Variants in TDRD5 observed in about 807,000 individuals in gnomAD.
TDRD5 encodes the protein tudor domain containing 5.
A neutral mutation model predicts 120.6 loss-of-function variants in TDRD5; 41 were observed. The ratio of observed to expected loss-of-function variants is 0.34; its 90% CI spans 0.26 to 0.44. The LOEUF (loss-of-function observed/expected upper bound fraction) is 0.44, where lower values mean the gene tolerates loss of function less well. TDRD5 is among the 20% of genes least tolerant of loss of function. The pLI, the probability that TDRD5 is intolerant of heterozygous loss-of-function variation, is 1.00. For missense variants in TDRD5, 1,006 were observed against 1,221.2 expected (o/e 0.82, Z 2.63); for synonymous variants, 430 against 433.7 (o/e 0.99, Z 0.11).
At chr1:179,633,935 G>A (rs1357485431) in intron 7 of TDRD5, among the ~76,000 whole-genome samples, 6 of 151,858 alleles carry the variant, frequency 4.0e-5, no homozygotes, top group Middle Eastern at 3.4e-3. Flanking sequence ...ACTTTGGGAG[G>A]CCGAGGCGGG....
At chr1:179,684,841 G>A (rs190121687) in intron 17 of TDRD5, among the ~76,000 whole-genome samples, 20 of 152,322 alleles carry the variant, frequency 1.3e-4, no homozygotes, top group African/African-American at 4.6e-4. Flanking sequence ...CTGCATAGAT[G>A]TCTTCTTTTG....
At chr1:179,596,592 C>T (rs763031845) in intron 4 of TDRD5, among the ~76,000 whole-genome samples, 46 of 152,168 alleles carry the variant, frequency 3.0e-4, no homozygotes, top group Non-Finnish European at 1.5e-4. Flanking sequence ...TTGTGTTTGG[C>T]TTCTTTAACT....
At chr1:179,607,544 A>G (rs550154481) in intron 4 of TDRD5, among the ~76,000 whole-genome samples, 3 of 151,860 alleles carry the variant, frequency 2.0e-5, no homozygotes, top group Admixed American at 6.6e-5. Flanking sequence ...TTTATTATCT[A>G]TATTTTTCTG....
chr1:179,665,985 G>A (rs560477434), intron 16 of TDRD5, among the ~76,000 whole-genome samples: 5 of 152,140 alleles, frequency 3.3e-5, no homozygotes, highest in East Asian at 1.9e-4. Flanking sequence ...TGTACCTTCC[G>A]TCTAAACAAA....
At position 179,669,352 on chromosome 1, in the gene TDRD5, A is replaced by G; in HGVS notation, c.2808A>G (p.Ala936=). 6.2e-7 allele frequency: 1 copy of G among 1,614,096 alleles called. No individual in the cohort carries two copies. The highest frequency in any genetic ancestry group is 8.5e-7 in the Non-Finnish European group (1 of 1,180,030). ...QPKQIQLSTA[A]PCSTTAVDDS... Reference sequence around the variant, plus strand: ...AGCAAATTCAGCTTTCCACAGCAGCACCCTGTTCAACAACTGCAGTGGATG... The same window carrying G: ...AGCAAATTCAGCTTTCCACAGCAGCGCCCTGTTCAACAACTGCAGTGGATG... The change falls in exon 17 of 18, where the codon GCA becomes GCG. Residue 936 remains alanine (A), a synonymous_variant. Coordinates refer to ENST00000444136, the MANE Select transcript of TDRD5 (RefSeq NM_001199085.3).
At chr1:179,645,662 A>G (rs1473521474) in intron 11 of TDRD5, among the ~76,000 whole-genome samples, 3 of 152,172 alleles carry the variant, frequency 2.0e-5, no homozygotes, top group Non-Finnish European at 4.4e-5. Context: ...TTCTGTAATT[A>G]TTGAAAGAAG....
intron 14 of TDRD5, among the ~76,000 whole-genome samples, chr1:179,660,014 A>G (rs945150487): frequency 2.0e-5 from 3 of 151,828 alleles, no homozygotes; most frequent in African/African-American, 7.3e-5. Flanking sequence ...TTATTTTTTA[A>G]TCCACTCTGA....
intron 9 of TDRD5, among the ~76,000 whole-genome samples, chr1:179,637,395 A>G (rs1677818783): frequency 6.6e-6 from 1 of 152,192 alleles, no homozygotes; most frequent in South Asian, 2.1e-4. Context: ...CCTACTTCAC[A>G]GAGTTCTAAA....
intron 4 of TDRD5, among the ~76,000 whole-genome samples, chr1:179,617,112 C>T (rs1045480273): frequency 2.6e-5 from 4 of 152,044 alleles, no homozygotes; most frequent in Non-Finnish European, 5.9e-5. Context: ...TTAAAGCTAA[C>T]GATATAATCA....
chr1:179,639,466 G>A (rs543531164), intron 9 of TDRD5, among the ~76,000 whole-genome samples: 1 of 152,308 alleles, frequency 6.6e-6, no homozygotes, highest in South Asian at 2.1e-4. Context: ...ATAGGGTAAC[G>A]CTGCAGCAAG....
intron 7 of TDRD5, among the ~76,000 whole-genome samples, chr1:179,632,864 A>G (rs1401816286): frequency 1.3e-5 from 2 of 152,222 alleles, no homozygotes. Flanking sequence ...ACTGAACATC[A>G]TACCTTGGCC....
At position 179,691,138 on chromosome 1, in the gene TDRD5, ATCTTGATTTT is replaced by A; in HGVS notation, c.*206_*215del. On this transcript the variant is annotated 3_prime_UTR_variant, in exon 18 of 18. Transcript: ENST00000444136. ...AAGTAAGTATTGATATTTACTGTTAATCTTGATTTTTCTTGATTTTATTCTGTGTCATTTT... is the reference window on the plus strand; with the variant it reads ...AAGTAAGTATTGATATTTACTGTTAATCTTGATTTTATTCTGTGTCATTTT... 1.6e-6 allele frequency: 1 copy of A among 611,796 alleles called. No homozygotes were observed. The allele number at this position is 611,796 out of a possible 1,614,324, so 37.9% of individuals were successfully genotyped here. A position where few individuals can be genotyped will look rare whatever the true frequency, so the allele number is the denominator to read the frequency against.
At chr1:179,614,357 AATG>A (rs1676448870) in intron 4 of TDRD5, among the ~76,000 whole-genome samples, 1 of 152,170 alleles carries the variant, frequency 6.6e-6, no homozygotes, top group African/African-American at 2.4e-5. Flanking sequence ...CATAATTTTA[AATG>A]ATGATATGAA....
At chr1:179,610,408 A>C (rs1399167800) in intron 4 of TDRD5, among the ~76,000 whole-genome samples, 1 of 152,214 alleles carries the variant, frequency 6.6e-6, no homozygotes, top group Non-Finnish European at 1.5e-5. Context: ...GAAATTCAGA[A>C]AGATTATCAT....
At chr1:179,612,605 G>C (rs1226935166) in intron 4 of TDRD5, among the ~76,000 whole-genome samples, 1 of 152,034 alleles carries the variant, frequency 6.6e-6, no homozygotes, top group Non-Finnish European at 1.5e-5. Context: ...CAGAGATCTG[G>C]CATTTCTAGG....
chr1:179,662,204 G>C lies in TDRD5; in HGVS notation c.2423G>C (p.Gly808Ala), dbSNP rs369202858. Residue 808 changes from glycine to alanine, a missense_variant, in exon 15 of 18, where the codon GGA (glycine) becomes GCA (alanine). Physicochemically the swap from Gly to Ala is moderately conservative, Grantham distance 60. Around this residue, in one of 3 missense-constraint regions of TDRD5, gnomAD observed 403 missense variants for 448.1 expected, o/e 0.90. Coordinates refer to ENST00000444136, the MANE Select transcript of TDRD5 (RefSeq NM_001199085.3). Reference protein sequence around the residue: ...WLPLQAKMGKGGDAASHLFTA... With the variant: ...WLPLQAKMGKAGDAASHLFTA... ...CCTCTACAGGCTAAGATGGGAAAAGGAGGTGATGCTGCCTCCCATCTATTT... is the reference window on the plus strand; with the variant it reads ...CCTCTACAGGCTAAGATGGGAAAAGCAGGTGATGCTGCCTCCCATCTATTT... The C allele has an allele frequency of 2.5e-6, 4 of 1,612,302 alleles. No individual in the cohort carries two copies. Among genetic ancestry groups the C allele is most frequent in the Non-Finnish European group, 3.4e-6 (4 of 1,179,360 alleles).
At position 179,691,046 on chromosome 1, in the gene TDRD5, ATTGATACTT is replaced by A. The variant is rs1681125354; in HGVS notation, c.*107_*115del. 6.3e-6 allele frequency: 9 copies of A among 1,419,898 alleles called. No homozygotes were observed. The highest frequency in any genetic ancestry group is 8.4e-6 in the Non-Finnish European group (9 of 1,075,608). The allele number at this position is 1,419,898 out of a possible 1,614,324, so 88.0% of individuals were successfully genotyped here. On this transcript the variant is annotated 3_prime_UTR_variant, in exon 18 of 18. Coordinates refer to ENST00000444136, the MANE Select transcript of TDRD5 (RefSeq NM_001199085.3). ...ATTGAAGCAAAATAGTATCTTGATC[ATTGATACTT>A]TTGTCTTTCTGTGACTATATGTTAG... is the stretch of plus-strand genomic sequence containing the variant.
intron 11 of TDRD5, 119 bp downstream of exon 11, chr1:179,640,564 AG>A: frequency 2.0e-6 from 2 of 1,023,502 alleles, no homozygotes; most frequent in Admixed American, 4.4e-5. Flanking sequence ...CAAAGAAGTC[AG>A]TGTATAGAGT....
intron 17 of TDRD5, among the ~76,000 whole-genome samples, chr1:179,671,968 G>GTA (rs969072724): frequency 1.3e-5 from 2 of 150,766 alleles, no homozygotes; most frequent in Admixed American, 6.6e-5. Flanking sequence ...GTGTGTGTGT[G>GTA]TGTGTGTGTG....
Sources: allele counts gnomAD v4.1 joint callset (sites outside exome capture counted in the v4.1 genomes callset), GRCh38; gene constraint gnomAD v4.1.1; regional missense constraint gnomAD v4.1.1; transcripts MANE v1.5; gene names NCBI Gene and HGNC (gene_info 2026-07-23, HGNC 2026-07-21).